SPECC1: variants seen among roughly 807,000 people sequenced by gnomAD.
The protein encoded by SPECC1 is sperm antigen with calponin homology and coiled-coil domains 1, also known as cytospin-B.
A neutral mutation model predicts 104.1 loss-of-function variants in SPECC1; 62 were observed. That is an observed-to-expected ratio of 0.60 (90% CI 0.49 to 0.74). The LOEUF is 0.74. Among genes scored for constraint, SPECC1 ranks in the 30% least tolerant of loss-of-function variants. The pLI is 0.00. For missense variants in SPECC1, 1,306 were observed against 1,310.5 expected (o/e 1.00, Z 0.05); for synonymous variants, 513 against 501.6 (o/e 1.02, Z -0.30).
chr17:20,142,986 G>A (rs1203234378), intron 3 of SPECC1, among the ~76,000 whole-genome samples: 1 of 151,922 alleles, frequency 6.6e-6, no homozygotes, highest in South Asian at 2.1e-4. Context: ...GGTTGACAGA[G>A]TGAGACCCTG....
intron 3 of SPECC1, among the ~76,000 whole-genome samples, chr17:20,160,367 C>T (rs145750412): frequency 2.6e-5 from 4 of 152,034 alleles, no homozygotes; most frequent in African/African-American, 7.2e-5. Context: ...GGACCCTGCC[C>T]GAGGTTTTAG....
At chr17:20,294,148 A>T (rs1041824546) in intron 12 of SPECC1, among the ~76,000 whole-genome samples, 2 of 152,068 alleles carry the variant, frequency 1.3e-5, no homozygotes, top group African/African-American at 4.8e-5. Flanking sequence ...CACCTGGCTC[A>T]TTTTTGTATT....
intron 14 of SPECC1, among the ~76,000 whole-genome samples, chr17:20,309,706 A>G (rs997213625): frequency 2.0e-5 from 3 of 152,128 alleles, no homozygotes; most frequent in Admixed American, 6.6e-5. Flanking sequence ...AGCTGAATCC[A>G]CGCTGCTGCA....
At chr17:20,180,884 G>A (rs1466619333) in intron 3 of SPECC1, among the ~76,000 whole-genome samples, 1 of 152,112 alleles carries the variant, frequency 6.6e-6, no homozygotes, top group Admixed American at 6.5e-5. Flanking sequence ...CCTAGGTCTA[G>A]GGAGTATTTA....
chr17:20,169,326 G>A (rs921508442), intron 3 of SPECC1, among the ~76,000 whole-genome samples: 11 of 152,198 alleles, frequency 7.2e-5, no homozygotes, highest in Non-Finnish European at 1.5e-4. Flanking sequence ...TGTTGATGTG[G>A]TAGGTGTCCT....
rs762643888 is a variant in SPECC1, at chr17:20,317,259, A to ATTTTTTTT, written c.*3208_*3215dup. On this transcript the variant is annotated 3_prime_UTR_variant, in exon 15 of 15. Transcript: ENST00000395527. ...GCAAGACCTCTGACTCTATAAAAAA[A>ATTTTTTTT]TTTTTTTTTTTTTTTTTTTTTGAGA... The ATTTTTTTT allele has an allele frequency of 0.16, 11,124 of 69,156 alleles. 1,850 individuals carry two copies. The highest frequency in any genetic ancestry group is 0.21 in the African/African-American group (2,735 of 12,808). The allele number at this position is 69,156 out of a possible 1,614,324, so 4.3% of individuals were successfully genotyped here. A position where few individuals can be genotyped will look rare whatever the true frequency, so the allele number is the denominator to read the frequency against.
chr17:20,306,219 T>C, intron 14 of SPECC1, 137 bp downstream of exon 14: 1 of 678,624 alleles, frequency 1.5e-6, no homozygotes, highest in East Asian at 2.7e-5. Context: ...TAATATAGAG[T>C]TATCCAGTTG....
intron 4 of SPECC1, among the ~76,000 whole-genome samples, chr17:20,207,981 CT>C (rs757913418): frequency 1.3e-5 from 2 of 151,728 alleles, no homozygotes; most frequent in African/African-American, 4.8e-5. Flanking sequence ...GTTCATTTAA[CT>C]TTTTTTTATC....
At position 20,028,411 on chromosome 17, in the gene SPECC1, G is replaced by A. The variant is rs530056308; in HGVS notation, c.-22+18987G>A. ...GCACTTTGGGAGGCCACAGTGGGAG[G>A]ATTGCTTGAGCCCAGAAGTTGAAGA... On this transcript the variant is annotated intron_variant, in intron 1 of 14. Coordinates refer to ENST00000395527, the MANE Select transcript of SPECC1 (RefSeq NM_001243439.2). Among the ~76,000 whole-genome samples, 31 of 152,072 alleles carry A rather than the reference G, an allele frequency of 2.0e-4. No individual in the cohort carries two copies. In the South Asian group the frequency reaches 6.4e-3, roughly 32 times the overall value.
chr17:20,195,833 TA>T (rs1462764130), intron 3 of SPECC1, among the ~76,000 whole-genome samples: 16 of 152,344 alleles, frequency 1.1e-4, no homozygotes, highest in Admixed American at 1.0e-3. Context: ...AAGATTCTCA[TA>T]AACTTTTTAT....
At chr17:20,312,506 A>T (rs1159057722) in intron 14 of SPECC1, among the ~76,000 whole-genome samples, 1 of 152,176 alleles carries the variant, frequency 6.6e-6, no homozygotes, top group Non-Finnish European at 1.5e-5. Flanking sequence ...GAAAGTGTGC[A>T]GTGTGCCATC....
chr17:20,153,056 C>A lies in SPECC1; in HGVS notation c.283+42494C>A, dbSNP rs372774844. ...CTTAATTACCTCCTAAAGGCCCTGTCTCCAAATACTATCACATTGTGGGGG... is the reference window on the plus strand; with the variant it reads ...CTTAATTACCTCCTAAAGGCCCTGTATCCAAATACTATCACATTGTGGGGG... On this transcript the variant is annotated intron_variant, in intron 3 of 14. Transcript: ENST00000395527. Among the ~76,000 whole-genome samples, 12 of 152,330 alleles carry A rather than the reference C, an allele frequency of 7.9e-5. No homozygotes were observed. In the South Asian group the frequency reaches 1.0e-3, roughly 13 times the overall value.
chr17:20,150,033 T>C (rs1193713669), intron 3 of SPECC1, among the ~76,000 whole-genome samples: 2 of 151,858 alleles, frequency 1.3e-5, no homozygotes, highest in Non-Finnish European at 2.9e-5. Flanking sequence ...AGTGCAGAGG[T>C]GCGATCTCGG....
chr17:20,152,740 C>T (rs2032125325), intron 3 of SPECC1, among the ~76,000 whole-genome samples: 1 of 152,084 alleles, frequency 6.6e-6, no homozygotes, highest in South Asian at 2.1e-4. Context: ...GGTGCGATCT[C>T]GGCTCACTGC....
chr17:20,181,254 C>G (rs1387317988), intron 3 of SPECC1, among the ~76,000 whole-genome samples: 1 of 151,578 alleles, frequency 6.6e-6, no homozygotes, highest in African/African-American at 2.4e-5. Context: ...AAATATTCAA[C>G]TTATGAAACT....
rs138175035 is a variant in SPECC1 at position 20,142,513 on chromosome 17, G to A, written c.283+31951G>A. 6.7e-3 allele frequency among the ~76,000 whole-genome samples: 1,015 copies of A among 152,240 alleles called. 11 individuals are homozygous for A. The highest frequency in any genetic ancestry group is 0.023 in the African/African-American group (967 of 41,546). On this transcript the variant is annotated intron_variant, in intron 3 of 14. Coordinates refer to ENST00000395527, the MANE Select transcript of SPECC1 (RefSeq NM_001243439.2). ...CTTAAAAAGAAAGAATTTCTGACAC[G>A]TGCTACAGCATGTGCTACCTCAAAG... is the stretch of plus-strand genomic sequence containing the variant.
intron 1 of SPECC1, among the ~76,000 whole-genome samples, chr17:20,053,785 CCTCTTGAGAAA>C (rs1251018113): frequency 6.6e-6 from 1 of 152,240 alleles, no homozygotes; most frequent in Non-Finnish European, 1.5e-5. Flanking sequence ...TTGATTGCAA[CCTCTTGAGAAA>C]CTCTGAGCCA....
At chr17:20,092,176 A>C (rs928593124) in intron 1 of SPECC1, among the ~76,000 whole-genome samples, 2 of 152,050 alleles carry the variant, frequency 1.3e-5, no homozygotes, top group Non-Finnish European at 2.9e-5. Context: ...ATGTTTGACA[A>C]ATTTAAAGAA....
At chr17:20,236,934 G>A (rs547335614) in intron 7 of SPECC1, 57 of 1,612,800 alleles carry the variant, frequency 3.5e-5, no homozygotes, top group African/African-American at 2.0e-4. Flanking sequence ...ATTGGGAGCC[G>A]CAGCCATCTC....
Sources: allele counts gnomAD v4.1 joint callset (sites outside exome capture counted in the v4.1 genomes callset), GRCh38; gene constraint gnomAD v4.1.1; transcripts MANE v1.5; gene names NCBI Gene and HGNC (gene_info 2026-07-23, HGNC 2026-07-21).